BRINP3: variants seen among roughly 807,000 people sequenced by gnomAD.
BRINP3 encodes the protein BMP/retinoic acid-inducible neural-specific protein 3.
BRINP3 carries 19 observed loss-of-function variants against 71.0 expected under a neutral mutation model. The observed-to-expected ratio is 0.27, with a 90% CI of 0.19 to 0.39. The LOEUF is 0.39. Ranked by LOEUF, BRINP3 falls within the 10% of genes least tolerant of loss-of-function variation. BRINP3 has a pLI of 1.00. For synonymous variants in BRINP3, 380 were observed against 337.7 expected (o/e 1.13, Z -1.37); for missense variants, 959 against 940.8 (o/e 1.02, Z -0.25).
intron 7 of BRINP3, among the ~76,000 whole-genome samples, chr1:190,141,691 G>T (rs1174781280): frequency 1.3e-5 from 2 of 149,946 alleles, no homozygotes; most frequent in East Asian, 4.0e-4. Context: ...CTCCTAAGTA[G>T]CTGGGTTACA....
At chr1:190,135,768 T>A (rs961936572) in intron 7 of BRINP3, among the ~76,000 whole-genome samples, 1 of 152,084 alleles carries the variant, frequency 6.6e-6, no homozygotes, top group East Asian at 1.9e-4. Flanking sequence ...CATTAGTTTA[T>A]ATTCTTCATA....
chr1:190,430,402 T>C (rs1674016403), intron 2 of BRINP3, among the ~76,000 whole-genome samples: 1 of 152,134 alleles, frequency 6.6e-6, no homozygotes, highest in Admixed American at 6.6e-5. Context: ...GAAGGATTAG[T>C]CAAGGTGAAT....
At chr1:190,448,688 A>G (rs1675401400) in intron 2 of BRINP3, among the ~76,000 whole-genome samples, 1 of 151,918 alleles carries the variant, frequency 6.6e-6, no homozygotes, top group African/African-American at 2.4e-5. Context: ...TGCTAAAAGT[A>G]GCACATTCAA....
chr1:190,230,358 T>C (rs979487084), intron 5 of BRINP3, among the ~76,000 whole-genome samples: 2 of 151,970 alleles, frequency 1.3e-5, no homozygotes, highest in African/African-American at 4.8e-5. Flanking sequence ...TAAGTAAAAA[T>C]GACCAGCTGG....
At chr1:190,472,153 T>C (rs1218638924) in intron 1 of BRINP3, among the ~76,000 whole-genome samples, 1 of 151,632 alleles carries the variant, frequency 6.6e-6, no homozygotes, top group Non-Finnish European at 1.5e-5. Flanking sequence ...AGCATCCATA[T>C]CTCTTATGTC....
chr1:190,362,552 G>A (rs1361107321), intron 2 of BRINP3, among the ~76,000 whole-genome samples: 2 of 152,114 alleles, frequency 1.3e-5, no homozygotes, highest in African/African-American at 2.4e-5. Flanking sequence ...TTCTAAGATG[G>A]CCTCTAATGT....
intron 4 of BRINP3, among the ~76,000 whole-genome samples, chr1:190,260,510 A>AT (rs762585217): frequency 1.2e-3 from 176 of 152,086 alleles, no homozygotes; most frequent in Middle Eastern, 6.8e-3. Context: ...CCATATGCAT[A>AT]TTTTCTTGGG....
In BRINP3 at chr1:190,322,521, C is replaced by A. The variant is rs149151406; in HGVS notation, c.237-40771G>T. Among the ~76,000 whole-genome samples the A allele has an allele frequency of 5.5e-3, 831 of 151,932 alleles. 5 individuals carry two copies. The highest frequency in any genetic ancestry group is 0.018 in the African/African-American group (760 of 41,456). On this transcript the variant is annotated intron_variant, in intron 2 of 7. Transcript: ENST00000367462. ...CACAGACAGACCTGAAGAAAAAGTG[C>A]GGCTGAGAAACGGGAATATCCTAGA...
chr1:190,182,625 G>T (rs1653127473), intron 6 of BRINP3, among the ~76,000 whole-genome samples: 1 of 152,070 alleles, frequency 6.6e-6, no homozygotes, highest in Non-Finnish European at 1.5e-5. Context: ...GCTCAGCGAG[G>T]TAATCTCTGG....
intron 2 of BRINP3, among the ~76,000 whole-genome samples, chr1:190,301,104 G>A (rs1338375540): frequency 1.3e-5 from 2 of 148,262 alleles, no homozygotes; most frequent in Non-Finnish European, 3.0e-5. Flanking sequence ...GATTATATCT[G>A]TGTATATATT....
At chr1:190,122,438 T>A (rs1470950110) in intron 7 of BRINP3, among the ~76,000 whole-genome samples, 1 of 151,878 alleles carries the variant, frequency 6.6e-6, no homozygotes, top group Non-Finnish European at 1.5e-5. Context: ...CTTATAAGAA[T>A]AGGAGATTAC....
intron 1 of BRINP3, among the ~76,000 whole-genome samples, chr1:190,471,184 G>T (rs1156442763): frequency 6.6e-6 from 1 of 150,914 alleles, no homozygotes; most frequent in East Asian, 1.9e-4. Flanking sequence ...TCGTTATGGT[G>T]GCTATTTGAT....
intron 7 of BRINP3, among the ~76,000 whole-genome samples, chr1:190,128,359 T>A (rs1409323559): frequency 6.6e-6 from 1 of 151,802 alleles, no homozygotes; most frequent in Admixed American, 6.6e-5. Flanking sequence ...GTTATATAAA[T>A]ATTTATCACA....
chr1:190,348,133 G>A (rs1668144376), intron 2 of BRINP3, among the ~76,000 whole-genome samples: 1 of 152,072 alleles, frequency 6.6e-6, no homozygotes. Flanking sequence ...TTGTTCAACA[G>A]ATAAAACAGA....
intron 2 of BRINP3, among the ~76,000 whole-genome samples, chr1:190,303,349 G>C (rs756016535): frequency 2.0e-5 from 3 of 151,530 alleles, no homozygotes; most frequent in Non-Finnish European, 4.4e-5. Flanking sequence ...ATGAAGATGA[G>C]GGTAATCATT....
intron 2 of BRINP3, among the ~76,000 whole-genome samples, chr1:190,362,994 A>G (rs1669247052): frequency 6.6e-6 from 1 of 152,162 alleles, no homozygotes; most frequent in African/African-American, 2.4e-5. Context: ...TATTATTTCT[A>G]TAAATAGGTT....
chr1:190,269,955 T>C (rs936833041), intron 3 of BRINP3, among the ~76,000 whole-genome samples: 1 of 152,028 alleles, frequency 6.6e-6, no homozygotes, highest in African/African-American at 2.4e-5. Flanking sequence ...TTATTGACAT[T>C]TGGCAACAAC....
At chr1:190,310,015 AAT>A (rs1245624764) in intron 2 of BRINP3, among the ~76,000 whole-genome samples, 4 of 151,634 alleles carry the variant, frequency 2.6e-5, no homozygotes, top group Non-Finnish European at 5.9e-5. Flanking sequence ...AGTAGGCTAC[AAT>A]GGCCAATCTC....
At chr1:190,251,155 A>G (rs1266846838) in intron 4 of BRINP3, among the ~76,000 whole-genome samples, 1 of 151,924 alleles carries the variant, frequency 6.6e-6, no homozygotes, top group Non-Finnish European at 1.5e-5. Flanking sequence ...GGAAAGGGTA[A>G]GAGGATTTTG....
Sources: allele counts gnomAD v4.1 joint callset (sites outside exome capture counted in the v4.1 genomes callset), GRCh38; gene constraint gnomAD v4.1.1; transcripts MANE v1.5; gene names NCBI Gene and HGNC (gene_info 2026-07-23, HGNC 2026-07-21).